POC5: variants seen among roughly 807,000 people sequenced by gnomAD.
The protein encoded by POC5 is centrosomal protein POC5.
POC5 carries 48 observed loss-of-function variants against 62.9 expected under a neutral mutation model. The ratio of observed to expected loss-of-function variants is 0.76; its 90% CI spans 0.61 to 0.97. The LOEUF is 0.97. Ranked by LOEUF, POC5 falls within the 50% of genes least tolerant of loss-of-function variation. POC5 has a pLI of 0.00. For missense variants in POC5, 696 were observed against 679.5 expected (o/e 1.02, Z -0.27); for synonymous variants, 236 against 228.2 (o/e 1.03, Z -0.31).
chr5:75,677,634 A>C (rs545042490), intron 11 of POC5, 140 bp downstream of exon 11: 33 of 563,278 alleles, frequency 5.9e-5, no homozygotes, highest in African/African-American at 4.8e-4. Context: ...AAAAAAAAAA[A>C]AAACTGTAAC....
At chr5:75,703,058 G>T (rs1420173951) in intron 4 of POC5, among the ~76,000 whole-genome samples, 2 of 152,110 alleles carry the variant, frequency 1.3e-5, no homozygotes. Flanking sequence ...CTCTATCCCA[G>T]ATAAGGATCC....
chr5:75,680,297 G>C (rs1349298275), intron 10 of POC5, among the ~76,000 whole-genome samples: 9 of 152,090 alleles, frequency 5.9e-5, no homozygotes, highest in Non-Finnish European at 8.8e-5. Flanking sequence ...TTCTCACCTG[G>C]AGCTTCAGGT....
chr5:75,712,856 G>T lies in POC5; in HGVS notation c.82C>A (p.Gln28Lys). ...SRGSSVSSNL[Q>K]EEYEELLHYA... ...TAAATTTAGAAATTTTTTCCTACCT[G>T]AAGATTCGAAGAGACAGAACTGCCT... Residue 28 changes from glutamine to lysine, a missense_variant and splice_region_variant, in exon 2 of 12, where the codon CAG (glutamine) becomes AAG (lysine). Transcript: ENST00000428202. The T allele has an allele frequency of 6.2e-7, 1 of 1,603,584 alleles. No homozygotes were observed. The highest frequency in any genetic ancestry group is 8.5e-7 in the Non-Finnish European group (1 of 1,175,386).
intron 10 of POC5, among the ~76,000 whole-genome samples, chr5:75,682,641 G>A (rs548742935): frequency 2.0e-5 from 3 of 150,830 alleles, no homozygotes; most frequent in East Asian, 3.9e-4. Context: ...TCGGCCTCCT[G>A]AGTAGCTGGG....
In POC5 at chr5:75,694,779, T is replaced by C. The variant is rs775270175; in HGVS notation, c.566A>G (p.His189Arg). ...SKWRLNFIDW[H>R]RMEMRKEKEK... is the part of the protein sequence containing the mutation. ...TTTCTCTTTTCTCATTTCCATTCGGTGCCAGTCAATAAAATTAAGTCTCCA... is the reference window on the plus strand; with the variant it reads ...TTTCTCTTTTCTCATTTCCATTCGGCGCCAGTCAATAAAATTAAGTCTCCA... The change falls in exon 6 of 12, where the codon CAC (histidine) becomes CGC (arginine). Residue 189 changes from histidine to arginine, a missense_variant. Transcript: ENST00000428202. 4 of 1,579,018 alleles carry C rather than the reference T, an allele frequency of 2.5e-6. No individual in the cohort carries two copies. Among genetic ancestry groups the C allele is most frequent in the South Asian group, 2.2e-5 (2 of 89,190 alleles).
chr5:75,717,034 A>T (rs945285659), intron 1 of POC5, among the ~76,000 whole-genome samples: 2 of 152,198 alleles, frequency 1.3e-5, no homozygotes, highest in African/African-American at 4.8e-5. Flanking sequence ...AGCACAACAG[A>T]GCTTTATACA....
At chr5:75,713,688 T>C (rs1039721085) in intron 1 of POC5, among the ~76,000 whole-genome samples, 1 of 152,150 alleles carries the variant, frequency 6.6e-6, no homozygotes, top group East Asian at 1.9e-4. Context: ...TGGGGTAAGA[T>C]TGCATGACTG....
At chr5:75,709,614 T>C (rs1777262182) in intron 2 of POC5, 1 of 152,200 alleles carries the variant, frequency 6.6e-6, no homozygotes, top group African/African-American at 2.4e-5. Context: ...ATTTAATTTT[T>C]ACATTGACAA....
chr5:75,706,931 C>T (rs981020625), intron 3 of POC5, among the ~76,000 whole-genome samples: 4 of 152,288 alleles, frequency 2.6e-5, no homozygotes, highest in East Asian at 1.9e-4. Context: ...GAAAAATCCA[C>T]GTCTACAGAG....
intron 9 of POC5, among the ~76,000 whole-genome samples, chr5:75,688,791 A>G (rs1776197932): frequency 6.6e-6 from 1 of 152,222 alleles, no homozygotes; most frequent in African/African-American, 2.4e-5. Context: ...CTTAGGAGTG[A>G]CAGTGTACTT....
intron 4 of POC5, among the ~76,000 whole-genome samples, chr5:75,704,371 T>G (rs747240451): frequency 6.6e-6 from 1 of 152,210 alleles, no homozygotes; most frequent in Non-Finnish European, 1.5e-5. Context: ...TTTTTAAAAT[T>G]TGTAAGATTT....
intron 10 of POC5, among the ~76,000 whole-genome samples, chr5:75,678,601 TTAATA>T (rs1252353890): frequency 8.7e-6 from 1 of 115,140 alleles, no homozygotes; most frequent in African/African-American, 2.8e-5. Context: ...TCTCATTTTA[TTAATA>T]TACTTTTTTT....
At chr5:75,680,079 C>T (rs761785910) in intron 10 of POC5, among the ~76,000 whole-genome samples, 1 of 152,010 alleles carries the variant, frequency 6.6e-6, no homozygotes, top group Non-Finnish European at 1.5e-5. Context: ...ATGCTTCTGG[C>T]CTGAGGGAAA....
chr5:75,705,731 G>T lies in POC5; in HGVS notation c.280C>A (p.His94Asn). ...AIEVGKGCDF[H>N]ISSHSKTDES... The stretch of plus-strand genomic sequence containing the variant: ...TCTGTCTTTGAATGACTTGAAATAT[G>T]GAAATCACATCCTTTTCCAACTTCT... The change falls in exon 4 of 12, where the codon CAT becomes AAT. Residue 94 changes from histidine to asparagine, a missense_variant. His to Asn is a moderately conservative substitution (Grantham distance 68). Coordinates refer to ENST00000428202, the MANE Select transcript of POC5 (RefSeq NM_001099271.2). 2 of 1,550,242 alleles carry T rather than the reference G, an allele frequency of 1.3e-6. No individual in the cohort carries two copies.
intron 2 of POC5, among the ~76,000 whole-genome samples, chr5:75,709,954 T>C (rs1047117626): frequency 1.3e-5 from 2 of 152,230 alleles, no homozygotes; most frequent in African/African-American, 4.8e-5. Context: ...TGCAGCTAGG[T>C]GTGGCCAAGA....
At chr5:75,710,736 T>C (rs1276491300) in intron 2 of POC5, among the ~76,000 whole-genome samples, 1 of 152,202 alleles carries the variant, frequency 6.6e-6, no homozygotes, top group Non-Finnish European at 1.5e-5. Flanking sequence ...CAGATTAATA[T>C]GATGGTGATC....
At chr5:75,676,538 G>C (rs1040596044) in intron 11 of POC5, among the ~76,000 whole-genome samples, 3 of 129,492 alleles carry the variant, frequency 2.3e-5, no homozygotes, top group Admixed American at 8.4e-5. Flanking sequence ...CTAGTGCCCA[G>C]CTAGTACTCG....
At chr5:75,696,433 C>G (rs980863427) in intron 5 of POC5, among the ~76,000 whole-genome samples, 1 of 152,154 alleles carries the variant, frequency 6.6e-6, no homozygotes, top group Non-Finnish European at 1.5e-5. Flanking sequence ...CTGGGAGGCA[C>G]CCCCCAGCAG....
chr5:75,683,926 A>G (rs530743490), intron 10 of POC5, among the ~76,000 whole-genome samples: 1 of 152,204 alleles, frequency 6.6e-6, no homozygotes, highest in South Asian at 2.1e-4. Context: ...CTGGTCTCAA[A>G]CTTCTGGCCT....
Sources: allele counts gnomAD v4.1 joint callset (sites outside exome capture counted in the v4.1 genomes callset), GRCh38; gene constraint gnomAD v4.1.1; transcripts MANE v1.5; gene names NCBI Gene and HGNC (gene_info 2026-07-23, HGNC 2026-07-21).